Variants in ADAMTSL3 observed in about 807,000 individuals in gnomAD.
ADAMTSL3 encodes the protein ADAMTS like 3.
ADAMTSL3 carries 128 observed loss-of-function variants against 201.7 expected under a neutral mutation model. The ratio of observed to expected loss-of-function variants is 0.63; its 90% CI spans 0.55 to 0.73. The LOEUF (loss-of-function observed/expected upper bound fraction) is 0.73, where lower values mean the gene tolerates loss of function less well. Among genes scored for constraint, ADAMTSL3 ranks in the 30% least tolerant of loss-of-function variants. The pLI is 0.00. For synonymous variants in ADAMTSL3, 738 were observed against 748.4 expected (o/e 0.99, Z 0.23); for missense variants, 1,990 against 2,119.6 (o/e 0.94, Z 1.20).
chr15:83,865,309 A>T (rs949282777), intron 8 of ADAMTSL3, among the ~76,000 whole-genome samples: 1 of 152,236 alleles, frequency 6.6e-6, no homozygotes, highest in Non-Finnish European at 1.5e-5. Context: ...TGCCAAGTCA[A>T]TCGTAACCCA....
At chr15:83,863,927 G>C (rs1037794308) in intron 8 of ADAMTSL3, among the ~76,000 whole-genome samples, 19 of 151,990 alleles carry the variant, frequency 1.3e-4, no homozygotes, top group Middle Eastern at 6.8e-3. Flanking sequence ...ATGATAAAGG[G>C]GATATCACCA....
chr15:83,733,986 A>C (rs564938532), intron 3 of ADAMTSL3, among the ~76,000 whole-genome samples: 1 of 152,144 alleles, frequency 6.6e-6, no homozygotes, highest in East Asian at 1.9e-4. Context: ...ACATTTAATT[A>C]AAGATTGGTA....
chr15:83,819,249 G>C (rs1342781045), intron 5 of ADAMTSL3, among the ~76,000 whole-genome samples: 6 of 141,380 alleles, frequency 4.2e-5, no homozygotes, highest in Non-Finnish European at 9.1e-5. Flanking sequence ...TGGCGACAGA[G>C]TGACACTCCG....
intron 3 of ADAMTSL3, among the ~76,000 whole-genome samples, chr15:83,715,190 G>A (rs1387578275): frequency 1.3e-5 from 2 of 152,132 alleles, no homozygotes; most frequent in Non-Finnish European, 2.9e-5. Context: ...GAGGCTTGGA[G>A]CAATTTCTGC....
At chr15:83,835,210 G>A (rs915395437) in intron 6 of ADAMTSL3, among the ~76,000 whole-genome samples, 4 of 149,126 alleles carry the variant, frequency 2.7e-5, no homozygotes, top group African/African-American at 1.0e-4. Context: ...CTCCAGCTTG[G>A]GCGGCAGAGC....
At chr15:83,752,281 CT>C (rs2062648443) in intron 3 of ADAMTSL3, among the ~76,000 whole-genome samples, 1 of 152,120 alleles carries the variant, frequency 6.6e-6, no homozygotes. Flanking sequence ...ATTTTCTTTA[CT>C]TTTGATACTT....
intron 6 of ADAMTSL3, among the ~76,000 whole-genome samples, chr15:83,831,898 AGGATATATGTTGCCAGGCAGGT>A (rs1347001207): frequency 6.6e-6 from 1 of 152,144 alleles, no homozygotes; most frequent in African/African-American, 2.4e-5. Flanking sequence ...TGAATGCGCA[AGGATATATGTTGCCAGGCAGGT>A]GGGTGAGTGG....
chr15:84,014,894 ACCACCCCGTATTC>A (rs2068063883), intron 24 of ADAMTSL3, among the ~76,000 whole-genome samples, 170 bp downstream of exon 24: 1 of 151,866 alleles, frequency 6.6e-6, no homozygotes, highest in Admixed American at 6.6e-5. Flanking sequence ...ACCCTATTTT[ACCACCCCGTATTC>A]CCAGCACCTA....
intron 19 of ADAMTSL3, among the ~76,000 whole-genome samples, chr15:83,959,390 A>G (rs989587274): frequency 6.6e-6 from 1 of 152,194 alleles, no homozygotes; most frequent in Non-Finnish European, 1.5e-5. Flanking sequence ...GATTGTGCCA[A>G]CAGAGCAAGA....
chr15:83,859,615 A>G (rs565373786), intron 8 of ADAMTSL3, among the ~76,000 whole-genome samples: 16 of 152,206 alleles, frequency 1.1e-4, no homozygotes, highest in Non-Finnish European at 2.4e-4. Context: ...TTACTTCTCA[A>G]GGCTAGCTAG....
intron 3 of ADAMTSL3, among the ~76,000 whole-genome samples, chr15:83,729,988 C>G (rs2062239876): frequency 6.6e-6 from 1 of 152,048 alleles, no homozygotes; most frequent in South Asian, 2.1e-4. Flanking sequence ...ATGGGCACCC[C>G]AAGCCCAATA....
intron 5 of ADAMTSL3, among the ~76,000 whole-genome samples, chr15:83,809,549 C>T (rs1490689478): frequency 1.3e-5 from 2 of 152,200 alleles, no homozygotes; most frequent in Admixed American, 6.5e-5. Flanking sequence ...GCCCATTGCT[C>T]ACTGGCAGTG....
chr15:84,024,789 C>T (rs187606501), intron 26 of ADAMTSL3, among the ~76,000 whole-genome samples: 8 of 152,298 alleles, frequency 5.3e-5, no homozygotes, highest in East Asian at 1.9e-4. Flanking sequence ...AGTGGACATC[C>T]GTTTCTTTTC....
intron 7 of ADAMTSL3, among the ~76,000 whole-genome samples, chr15:83,853,674 A>T (rs2064666408): frequency 6.6e-6 from 1 of 152,186 alleles, no homozygotes; most frequent in Non-Finnish European, 1.5e-5. Flanking sequence ...ATAGTGCATA[A>T]TTCAAATTTA....
chr15:83,748,989 G>A (rs1453046334), intron 3 of ADAMTSL3, among the ~76,000 whole-genome samples: 1 of 152,176 alleles, frequency 6.6e-6, no homozygotes, highest in Non-Finnish European at 1.5e-5. Flanking sequence ...GACACTCATG[G>A]AAGGAAGAGA....
At position 83,915,364 on chromosome 15, in the gene ADAMTSL3, A is replaced by T. The variant is rs777288101; in HGVS notation, c.1987+1986A>T. On this transcript the variant is annotated intron_variant, in intron 16 of 29. Coordinates refer to ENST00000286744, the MANE Select transcript of ADAMTSL3 (RefSeq NM_207517.3). The stretch of plus-strand genomic sequence containing the variant: ...GACCAGGTGAATTCTAATTCAGCTG[A>T]GAGAGACTGCTGTCAGAGCTCATTT... Among the ~76,000 whole-genome samples, 29 of 152,186 alleles carry T rather than the reference A, an allele frequency of 1.9e-4. 2 individuals carry two copies. Among genetic ancestry groups the T allele is most frequent in the Non-Finnish European group, 7.3e-5 (5 of 68,044 alleles).
intron 23 of ADAMTSL3, among the ~76,000 whole-genome samples, chr15:84,010,648 T>A (rs2067991716): frequency 6.6e-6 from 1 of 152,120 alleles, no homozygotes; most frequent in African/African-American, 2.4e-5. Flanking sequence ...TATGAAAGAA[T>A]AGATGGATGA....
chr15:83,854,036 T>C (rs147398680), intron 7 of ADAMTSL3, among the ~76,000 whole-genome samples: 1 of 152,230 alleles, frequency 6.6e-6, no homozygotes, highest in Admixed American at 6.5e-5. Flanking sequence ...ATTAATACTT[T>C]AGCATGACTC....
At chr15:83,723,868 A>G (rs968986494) in intron 3 of ADAMTSL3, among the ~76,000 whole-genome samples, 3 of 152,006 alleles carry the variant, frequency 2.0e-5, no homozygotes, top group Non-Finnish European at 4.4e-5. Context: ...AAATATGATT[A>G]AAATATTCCT....
Sources: gnomAD v4.1 joint callset for allele counts (sites outside exome capture counted in the v4.1 genomes callset) on GRCh38, gnomAD v4.1.1 for gene constraint, MANE v1.5 for transcripts, NCBI Gene and HGNC (gene_info 2026-07-23, HGNC 2026-07-21) for gene names.